Variants in NEMP2 observed in about 807,000 individuals in gnomAD.
NEMP2 encodes nuclear envelope integral membrane protein 2.
A neutral mutation model predicts 54.2 loss-of-function variants in NEMP2; 53 were observed. The ratio of observed to expected loss-of-function variants is 0.98; its 90% CI spans 0.78 to 1.23. NEMP2 has a LOEUF of 1.23. Ranked by LOEUF, NEMP2 falls within the 50% of genes most tolerant of loss-of-function variation. NEMP2 has a pLI of 0.00. For missense variants in NEMP2, 455 were observed against 511.3 expected (o/e 0.89, Z 1.06); for synonymous variants, 197 against 190.3 (o/e 1.04, Z -0.29).
In NEMP2 at chr2:190,531,577, AG is replaced by A. The variant is rs1691146316; in HGVS notation, c.97+2981del. Among the ~76,000 whole-genome samples the A allele has an allele frequency of 6.6e-6, 1 of 152,214 alleles. No homozygotes were observed. Among genetic ancestry groups the A allele is most frequent in the South Asian group, 2.1e-4 (1 of 4,834 alleles). ...ACATTACCAAAGGATTCAGAAAGTCAGGGTTCCCTTAACCAATGAGATAGAT... is the reference window on the plus strand; with the variant it reads ...ACATTACCAAAGGATTCAGAAAGTCAGGTTCCCTTAACCAATGAGATAGAT... On this transcript the variant is annotated intron_variant, in intron 1 of 8. Transcript: ENST00000409150. This position sits in a 1 kb window ranked among gnomAD's most constrained non-coding sequence, Gnocchi z 4.7.
At chr2:190,543,478 TC>T in the NEMP2 span, among the ~76,000 whole-genome samples, 1 of 152,104 alleles carries the variant, frequency 6.6e-6, no homozygotes, top group African/African-American at 2.4e-5. This position sits in a 1 kb window ranked among gnomAD's most constrained non-coding sequence, Gnocchi z 4.7. Context: ...CTGGCAGGAG[TC>T]CTGTTCCTGC....
At chr2:190,491,826 A>G in the NEMP2 span, among the ~76,000 whole-genome samples, 1 of 152,210 alleles carries the variant, frequency 6.6e-6, no homozygotes, top group African/African-American at 2.4e-5. This position sits in a 1 kb window ranked among gnomAD's most constrained non-coding sequence, Gnocchi z 4.2. Flanking sequence ...GACTTCCCTG[A>G]AAAAGAATTC....
At chr2:190,497,714 T>G in the NEMP2 span, 1 of 1,612,640 alleles carries the variant, frequency 6.2e-7, no homozygotes, top group South Asian at 1.1e-5. This position sits in a 1 kb window ranked among gnomAD's most constrained non-coding sequence, Gnocchi z 5.2. Context: ...GATACAGCCT[T>G]TACAGGTACA....
the NEMP2 span, among the ~76,000 whole-genome samples, chr2:190,478,861 T>G: frequency 6.6e-6 from 1 of 151,828 alleles, no homozygotes; most frequent in Non-Finnish European, 1.5e-5. Context: ...AAAGTCTGTC[T>G]CTTTATCCTA....
the NEMP2 span, among the ~76,000 whole-genome samples, chr2:190,612,592 G>T: frequency 6.6e-6 from 1 of 151,958 alleles, no homozygotes; most frequent in Non-Finnish European, 1.5e-5. Context: ...GTGTCCTGAG[G>T]GCTTATCTAG....
the NEMP2 span, among the ~76,000 whole-genome samples, chr2:190,600,545 G>A: frequency 1.3e-5 from 2 of 152,178 alleles, no homozygotes; most frequent in African/African-American, 4.8e-5. This position sits in a 1 kb window ranked among gnomAD's most constrained non-coding sequence, Gnocchi z 4.9. Flanking sequence ...CTTGGGGTGG[G>A]TGAATCCTTG....
rs1690197497 is a variant in NEMP2 at position 190,506,731 on chromosome 2, T to C, written c.*2458A>G. The C allele has an allele frequency of 6.6e-6, 1 of 152,224 alleles. No homozygotes were observed. Among genetic ancestry groups the C allele is most frequent in the Non-Finnish European group, 1.5e-5 (1 of 68,038 alleles). The allele number at this position is 152,224 out of a possible 1,614,324, so 9.4% of individuals were successfully genotyped here. On this transcript the variant is annotated 3_prime_UTR_variant, in exon 9 of 9. Transcript: ENST00000409150. The surrounding 1 kb of genome is among the most constrained non-coding windows in gnomAD (Gnocchi z 6.3). Reference sequence around the variant, plus strand: ...ATTGTTTAAGCATAGCCACCTACACTATATCTCACCCACACATCTGGTGTC... The same window carrying C: ...ATTGTTTAAGCATAGCCACCTACACCATATCTCACCCACACATCTGGTGTC...
At chr2:190,593,993 A>G in the NEMP2 span, among the ~76,000 whole-genome samples, 1 of 152,178 alleles carries the variant, frequency 6.6e-6, no homozygotes, top group Admixed American at 6.5e-5. The surrounding 1 kb of genome is among the most constrained non-coding windows in gnomAD (Gnocchi z 4.5). Flanking sequence ...TAACTCACCA[A>G]TGACTTCTCA....
At chr2:190,465,185 C>T in the NEMP2 span, among the ~76,000 whole-genome samples, 3 of 152,076 alleles carry the variant, frequency 2.0e-5, no homozygotes, top group Non-Finnish European at 4.4e-5. This position sits in a 1 kb window ranked among gnomAD's most constrained non-coding sequence, Gnocchi z 4.6. Flanking sequence ...GGATAAAAAA[C>T]GAGTGGCAGG....
chr2:190,646,218 G>T, the NEMP2 span, among the ~76,000 whole-genome samples: 1 of 152,202 alleles, frequency 6.6e-6, no homozygotes, highest in Non-Finnish European at 1.5e-5. Flanking sequence ...CTAAAGCCTT[G>T]AAACTGTTTG....
At chr2:190,578,709 A>T in the NEMP2 span, among the ~76,000 whole-genome samples, 1 of 150,404 alleles carries the variant, frequency 6.6e-6, no homozygotes, top group African/African-American at 2.4e-5. This position sits in a 1 kb window ranked among gnomAD's most constrained non-coding sequence, Gnocchi z 4.4. Context: ...AATGTGTGTT[A>T]GGGAGGGGTT....
the NEMP2 span, among the ~76,000 whole-genome samples, chr2:190,453,332 A>C: frequency 3.3e-5 from 5 of 152,006 alleles, no homozygotes; most frequent in African/African-American, 1.2e-4. Context: ...GAACTTGTGG[A>C]ATTTCTATGA....
the NEMP2 span, among the ~76,000 whole-genome samples, chr2:190,618,874 G>T: frequency 1.3e-5 from 2 of 152,218 alleles, no homozygotes; most frequent in Admixed American, 1.3e-4. Flanking sequence ...ACAGCACCCG[G>T]CCTAACTTTT....
At chr2:190,623,733 G>T in the NEMP2 span, among the ~76,000 whole-genome samples, 1 of 152,176 alleles carries the variant, frequency 6.6e-6, no homozygotes, top group Admixed American at 6.6e-5. Flanking sequence ...TGGGGGAAAT[G>T]CTTCGGGACA....
At chr2:190,428,434 T>C in the NEMP2 span, among the ~76,000 whole-genome samples, 3 of 152,206 alleles carry the variant, frequency 2.0e-5, no homozygotes, top group Non-Finnish European at 4.4e-5. Context: ...ATGAGAGTTC[T>C]AGTTGCTCCA....
chr2:190,564,111 C>T, the NEMP2 span, among the ~76,000 whole-genome samples: 4 of 152,202 alleles, frequency 2.6e-5, no homozygotes, highest in African/African-American at 9.6e-5. This position sits in a 1 kb window ranked among gnomAD's most constrained non-coding sequence, Gnocchi z 4.2. Flanking sequence ...TTTCAAGGAG[C>T]TCAGATCATA....
At chr2:190,594,186 C>T in the NEMP2 span, among the ~76,000 whole-genome samples, 4 of 152,144 alleles carry the variant, frequency 2.6e-5, no homozygotes, top group Admixed American at 1.3e-4. This position sits in a 1 kb window ranked among gnomAD's most constrained non-coding sequence, Gnocchi z 5.6. Context: ...CCCTTTTACT[C>T]GAGGTCCTAT....
chr2:190,631,654 A>C, the NEMP2 span, among the ~76,000 whole-genome samples: 1 of 152,214 alleles, frequency 6.6e-6, no homozygotes, highest in African/African-American at 2.4e-5. Flanking sequence ...CTAATCCACA[A>C]AACCACTTTA....
chr2:190,591,005 T>C, the NEMP2 span, among the ~76,000 whole-genome samples: 1 of 152,172 alleles, frequency 6.6e-6, no homozygotes, highest in African/African-American at 2.4e-5. This position sits in a 1 kb window ranked among gnomAD's most constrained non-coding sequence, Gnocchi z 5.4. Flanking sequence ...CCTTTCTGCC[T>C]AGTGTGCCCA....
Sources: gnomAD v4.1 joint callset for allele counts (sites outside exome capture counted in the v4.1 genomes callset) on GRCh38, gnomAD v4.1.1 for gene constraint, Gnocchi (gnomAD v3.1) non-coding constraint, MANE v1.5 for transcripts, NCBI Gene and HGNC (gene_info 2026-07-23, HGNC 2026-07-21) for gene names.